Variants in PLAAT5 observed in about 807,000 individuals in gnomAD.
PLAAT5 encodes the protein Ca(2+)-independent N-acyltransferase.
Under a neutral mutation model 27.8 loss-of-function variants are expected in PLAAT5, and 27 were observed. That is an observed-to-expected ratio of 0.97 (90% CI 0.72 to 1.34). The LOEUF (loss-of-function observed/expected upper bound fraction) is 1.34. Ranked by LOEUF, PLAAT5 falls within the 40% of genes most tolerant of loss-of-function variation. The pLI is 0.00. For missense variants in PLAAT5, 368 were observed against 343.8 expected, an observed-to-expected ratio of 1.07 and a Z score of -0.56; for synonymous variants, 125 against 136.1, an observed-to-expected ratio of 0.92 and a Z score of 0.57.
intron 5 of PLAAT5, 125 bp from the exon 6 acceptor site, chr11:63,463,720 C>A: frequency 1.4e-6 from 1 of 722,954 alleles, no homozygotes; most frequent in Non-Finnish European, 2.5e-6. Flanking sequence ...AGAGAAGAAG[C>A]AGTCCATGCT....
intron 3 of PLAAT5, among the ~76,000 whole-genome samples, chr11:63,487,683 A>C (rs1390926174): frequency 1.3e-5 from 2 of 152,246 alleles, no homozygotes; most frequent in Non-Finnish European, 2.9e-5. Context: ...AAAGACTCGT[A>C]CATAAATGTT....
chr11:63,464,262 T>G (rs9633996), intron 5 of PLAAT5, among the ~76,000 whole-genome samples: 1 of 151,958 alleles, frequency 6.6e-6, no homozygotes, highest in African/African-American at 2.4e-5. Flanking sequence ...GAGACTAACA[T>G]TGGAATGTGA....
At chr11:63,467,973 T>C (rs948598364) in intron 4 of PLAAT5, among the ~76,000 whole-genome samples, 9 of 152,314 alleles carry the variant, frequency 5.9e-5, no homozygotes, top group African/African-American at 1.9e-4. Context: ...CTGAGGACTA[T>C]AGAAAACAAA....
In PLAAT5 at chr11:63,466,203, C is replaced by CT; in HGVS notation, c.623dup (p.Met209AspfsTer12). The CT allele has an allele frequency of 6.2e-7, 1 of 1,614,140 alleles. No individual in the cohort carries two copies. Among genetic ancestry groups the CT allele is most frequent in the African/African-American group, 1.3e-5 (1 of 75,022 alleles). On this transcript the variant is annotated frameshift_variant, in exon 5 of 6. Coordinates refer to ENST00000540857, the MANE Select transcript of PLAAT5 (RefSeq NM_001146729.2). LOFTEE classifies it high-confidence loss of function. ...TGTACTGCACGATCTTGTTGACCAT[C>CT]TTTTTTGTACGCTGGATGATCTTGT...
intron 3 of PLAAT5, among the ~76,000 whole-genome samples, chr11:63,477,141 T>C (rs2507928): frequency 0.22 from 33,892 of 152,164 alleles, 8,687 homozygotes; most frequent in African/African-American, 0.63. Flanking sequence ...CTTCTTTAAA[T>C]ATACTCAAAA....
chr11:63,483,816 T>TACAC lies in PLAAT5; in HGVS notation c.345+5054_345+5055insGTGT, dbSNP rs1245905657. 3.2e-3 allele frequency among the ~76,000 whole-genome samples: 326 copies of TACAC among 101,446 alleles called. 6 individuals are homozygous for TACAC. Among genetic ancestry groups the TACAC allele is most frequent in the African/African-American group, 0.012 (313 of 26,112 alleles). 66.6% of individuals were successfully genotyped at this position (101,446 alleles called of 152,430 possible). A position where few individuals can be genotyped will look rare whatever the true frequency, so the allele number is the denominator to read the frequency against. ...ATATATATATGTATATATATATATA[T>TACAC]ATATATATATATATATATATATATA... On this transcript the variant is annotated intron_variant, in intron 3 of 5. Transcript: ENST00000540857.
intron 3 of PLAAT5, among the ~76,000 whole-genome samples, chr11:63,472,494 CA>C (rs370213284): frequency 3.3e-5 from 5 of 151,888 alleles, no homozygotes; most frequent in South Asian, 4.2e-4. Context: ...CAATGGTTAT[CA>C]AAAAAAATAT....
intron 5 of PLAAT5, among the ~76,000 whole-genome samples, chr11:63,465,146 C>T (rs190392442): frequency 2.6e-3 from 394 of 151,926 alleles, no homozygotes; most frequent in African/African-American, 7.5e-3. Context: ...GACGTGGTGG[C>T]GCACACCTAG....
At position 63,483,833 on chromosome 11, in the gene PLAAT5, A is replaced by ATG. The variant is rs1203900036; in HGVS notation, c.345+5037_345+5038insCA. Among the ~76,000 whole-genome samples the ATG allele has an allele frequency of 6.0e-5, 7 of 117,560 alleles. No homozygotes were observed. The East Asian group carries it at 1.2e-3, about 19-fold the overall frequency. 77.1% of individuals were successfully genotyped at this position (117,560 alleles called of 152,430 possible). On this transcript the variant is annotated intron_variant, in intron 3 of 5. Transcript: ENST00000540857. ...TATATATATATATATATATATATATATATATATATACACATATATATATAT... is the reference window on the plus strand; with the variant it reads ...TATATATATATATATATATATATATATGTATATATATACACATATATATATAT...
intron 1 of PLAAT5, 88 bp downstream of exon 1, chr11:63,490,799 C>T (rs1197760385): frequency 1.6e-6 from 2 of 1,221,704 alleles, no homozygotes; most frequent in East Asian, 2.7e-5. Flanking sequence ...CGCCAAATGT[C>T]TTAAGAAAAG....
chr11:63,468,243 C>A, intron 4 of PLAAT5, 114 bp downstream of exon 4: 1 of 801,276 alleles, frequency 1.2e-6, no homozygotes, highest in Non-Finnish European at 2.1e-6. Flanking sequence ...AGTCATGCTT[C>A]AAGGGGTCCC....
At position 63,488,103 on chromosome 11, in the gene PLAAT5, C is replaced by T. The variant is rs1195989195; in HGVS notation, c.345+768G>A. ...GAGCTTGCAGTGAGCCAAGATCACGCCACTGCACTCCAGCCTGGGCGACAG... is the reference window on the plus strand; with the variant it reads ...GAGCTTGCAGTGAGCCAAGATCACGTCACTGCACTCCAGCCTGGGCGACAG... On this transcript the variant is annotated intron_variant, in intron 3 of 5. Coordinates refer to ENST00000540857, the MANE Select transcript of PLAAT5 (RefSeq NM_001146729.2). Among the ~76,000 whole-genome samples, 5 of 152,284 alleles carry T rather than the reference C, an allele frequency of 3.3e-5. No homozygotes were observed. The East Asian group carries it at 9.6e-4, about 29-fold the overall frequency.
intron 5 of PLAAT5, among the ~76,000 whole-genome samples, chr11:63,465,491 T>G (rs1565206914): frequency 6.6e-6 from 1 of 151,384 alleles, no homozygotes; most frequent in Non-Finnish European, 1.5e-5. Context: ...CCTGCTTTGT[T>G]AAGGAAGAAA....
At chr11:63,486,435 C>T (rs549110361) in intron 3 of PLAAT5, among the ~76,000 whole-genome samples, 82 of 151,546 alleles carry the variant, frequency 5.4e-4, no homozygotes, top group Non-Finnish European at 1.0e-3. Context: ...TATATATATG[C>T]ACACACACAC....
intron 3 of PLAAT5, among the ~76,000 whole-genome samples, chr11:63,471,913 C>T (rs991966682): frequency 6.6e-5 from 10 of 152,078 alleles, no homozygotes; most frequent in African/African-American, 1.2e-4. Context: ...AGCTGGAAGC[C>T]GTTATCCTAA....
At chr11:63,482,259 C>A (rs955495480) in intron 3 of PLAAT5, among the ~76,000 whole-genome samples, 2 of 152,086 alleles carry the variant, frequency 1.3e-5, no homozygotes, top group Admixed American at 1.3e-4. Flanking sequence ...ATACAGGAAA[C>A]TCAACAACTG....
chr11:63,469,210 G>A (rs1010364292), intron 3 of PLAAT5, among the ~76,000 whole-genome samples: 1 of 151,262 alleles, frequency 6.6e-6, no homozygotes, highest in South Asian at 2.1e-4. Context: ...GCATAGAGTT[G>A]TACATAAGCA....
At position 63,463,276 on chromosome 11, in the gene PLAAT5, G is replaced by A. The variant is rs2015763769; in HGVS notation, c.*227C>T. 2 of 563,874 alleles carry A rather than the reference G, an allele frequency of 3.5e-6. No individual in the cohort carries two copies. The highest frequency in any genetic ancestry group is 2.9e-5 in the East Asian group (1 of 34,828). 34.9% of individuals were successfully genotyped at this position (563,874 alleles called of 1,614,324 possible). A position where few individuals can be genotyped will look rare whatever the true frequency, so the allele number is the denominator to read the frequency against. ...TGAAATGCCTAGCACAGTGCCTGGCGCATAAGAGATACACACTAGATACCA... is the reference window on the plus strand; with the variant it reads ...TGAAATGCCTAGCACAGTGCCTGGCACATAAGAGATACACACTAGATACCA... On this transcript the variant is annotated 3_prime_UTR_variant, in exon 6 of 6. Transcript: ENST00000540857.
intron 3 of PLAAT5, among the ~76,000 whole-genome samples, chr11:63,474,408 T>C (rs1276224245): frequency 1.3e-5 from 2 of 152,184 alleles, no homozygotes; most frequent in Non-Finnish European, 2.9e-5. Flanking sequence ...AGTTTTATAA[T>C]TTGTGTCTTT....
Sources: gnomAD v4.1 joint callset for allele counts (sites outside exome capture counted in the v4.1 genomes callset) on GRCh38, gnomAD v4.1.1 for gene constraint, MANE v1.5 for transcripts, NCBI Gene and HGNC (gene_info 2026-07-23, HGNC 2026-07-21) for gene names.